DTNA: variants seen among roughly 807,000 people sequenced by gnomAD.
The protein encoded by DTNA is dystrophin-related protein 3.
In DTNA, 43 loss-of-function variants were observed where a neutral mutation model predicts 100.7. The observed-to-expected ratio is 0.43, with a 90% CI of 0.33 to 0.55. The LOEUF (loss-of-function observed/expected upper bound fraction) is 0.55. Among genes scored for constraint, DTNA ranks in the 20% least tolerant of loss-of-function variants. The pLI is 0.04. For synonymous variants in DTNA, 349 were observed against 347.9 expected, an observed-to-expected ratio of 1.00 and a Z score of -0.04; for missense variants, 798 against 953.9, an observed-to-expected ratio of 0.84 and a Z score of 2.15.
At chr18:34,624,053 C>G (rs2056948635) in intron 1 of DTNA, among the ~76,000 whole-genome samples, 1 of 152,022 alleles carries the variant, frequency 6.6e-6, no homozygotes. Context: ...ACCCAAAGGC[C>G]TAGTGAAATG....
intron 1 of DTNA, among the ~76,000 whole-genome samples, chr18:34,623,678 A>G (rs1164123066): frequency 1.3e-5 from 2 of 152,190 alleles, no homozygotes; most frequent in African/African-American, 2.4e-5. Flanking sequence ...AGCAACTGTT[A>G]TGTGGCAGGC....
In DTNA at chr18:34,612,809, A is replaced by G. The variant is rs1384533085; in HGVS notation, c.-2+119295A>G. ...TACTTATGAAACACTATACATATTAATCTAAATGAAGATACTATACTCATT... is the reference window on the plus strand; with the variant it reads ...TACTTATGAAACACTATACATATTAGTCTAAATGAAGATACTATACTCATT... On this transcript the variant is annotated intron_variant, in intron 1 of 19. Transcript: ENST00000283365. Among the ~76,000 whole-genome samples the G allele has an allele frequency of 3.9e-5, 6 of 152,192 alleles. No homozygotes were observed. In the East Asian group the frequency reaches 1.2e-3, roughly 29 times the overall value.
At chr18:34,686,166 C>CG (rs1463881890) in intron 1 of DTNA, among the ~76,000 whole-genome samples, 1 of 152,138 alleles carries the variant, frequency 6.6e-6, no homozygotes, top group Non-Finnish European at 1.5e-5. Flanking sequence ...CCAGGACTTC[C>CG]AATACTGTGT....
chr18:34,558,909 G>A (rs1422085425), intron 1 of DTNA, among the ~76,000 whole-genome samples: 1 of 152,228 alleles, frequency 6.6e-6, no homozygotes, highest in East Asian at 1.9e-4. Flanking sequence ...TAGCCAGAAT[G>A]AGACTATTGA....
chr18:34,713,489 T>A lies in DTNA; in HGVS notation c.-2+3044T>A, dbSNP rs2083308284. Among the ~76,000 whole-genome samples the A allele has an allele frequency of 2.0e-5, 3 of 152,110 alleles. No individual in the cohort carries two copies. In the South Asian group the frequency reaches 6.2e-4, roughly 32 times the overall value. Reference sequence around the variant, plus strand: ...AGGGCTCTGTTCTGTTCCATTGATCTATATCTCTGTTTTGGTACCAGTACC... The same window carrying A: ...AGGGCTCTGTTCTGTTCCATTGATCAATATCTCTGTTTTGGTACCAGTACC... On this transcript the variant is annotated intron_variant, in intron 1 of 22. Coordinates refer to ENST00000444659, the MANE Select transcript of DTNA (RefSeq NM_001386795.1).
At chr18:34,815,861 A>G (rs775230560) in intron 6 of DTNA, 48 bp from the exon 7 acceptor site, 5 of 1,486,288 alleles carry the variant, frequency 3.4e-6, no homozygotes, top group Non-Finnish European at 4.7e-6. Context: ...TAGCAGGTAA[A>G]TTGAGATGAT....
At chr18:34,571,240 G>A (rs942621925) in intron 1 of DTNA, among the ~76,000 whole-genome samples, 1 of 152,156 alleles carries the variant, frequency 6.6e-6, no homozygotes, top group African/African-American at 2.4e-5. Context: ...TATATGAAAA[G>A]TTCTGAGTAA....
chr18:34,652,379 G>A (rs969972568), intron 1 of DTNA, among the ~76,000 whole-genome samples: 2 of 152,082 alleles, frequency 1.3e-5, no homozygotes, highest in East Asian at 1.9e-4. Flanking sequence ...TGGATTTTGT[G>A]AAATTTGGCC....
At chr18:34,663,409 C>G (rs568764137) in intron 1 of DTNA, among the ~76,000 whole-genome samples, 1 of 152,282 alleles carries the variant, frequency 6.6e-6, no homozygotes, top group African/African-American at 2.4e-5. Context: ...AAGCGATTCT[C>G]CTGCCTTGGC....
At chr18:34,707,546 C>G (rs151307377), upstream of DTNA, among the ~76,000 whole-genome samples, 442 of 152,184 alleles carry the variant, frequency 2.9e-3, 2 homozygotes, top group African/African-American at 0.01. Flanking sequence ...ATATTAAATG[C>G]TCTAGTAACA....
rs1352090935 is a variant in DTNA, at chr18:34,818,488, G to A, written c.876+158G>A. 37 of 1,520,462 alleles carry A rather than the reference G, an allele frequency of 2.4e-5. No homozygotes were observed. The East Asian group carries it at 2.7e-4, about 11-fold the overall frequency. The allele number at this position is 1,520,462 out of a possible 1,614,324, so 94.2% of individuals were successfully genotyped here. ...TTCCTCCCACTCTCCACCCTACTGC[G>A]TGCTCTTACTTATTCTGTTGGAACC... On this transcript the variant is annotated intron_variant, in intron 8 of 22. Transcript: ENST00000444659.
intron 17 of DTNA, among the ~76,000 whole-genome samples, chr18:34,872,670 G>C (rs1403622974): frequency 6.6e-6 from 1 of 152,166 alleles, no homozygotes; most frequent in African/African-American, 2.4e-5. Flanking sequence ...CCATCACCCT[G>C]AGCACCCATA....
intron 1 of DTNA, among the ~76,000 whole-genome samples, chr18:34,513,165 G>T (rs2041258859): frequency 6.6e-6 from 1 of 152,026 alleles, no homozygotes. Flanking sequence ...AACTGCCAAG[G>T]TGCACATTAC....
intron 12 of DTNA, 37 bp from the exon 13 acceptor site, chr18:34,838,708 T>G: frequency 1.9e-6 from 3 of 1,579,568 alleles, no homozygotes; most frequent in Non-Finnish European, 2.6e-6. Context: ...TCCACCTCTC[T>G]TAACAACACG....
intron 1 of DTNA, among the ~76,000 whole-genome samples, chr18:34,581,338 G>T (rs959917158): frequency 3.9e-5 from 6 of 152,202 alleles, no homozygotes; most frequent in African/African-American, 1.2e-4. Context: ...CAACTCTGTG[G>T]CAAAGGTGCT....
intron 1 of DTNA, among the ~76,000 whole-genome samples, chr18:34,746,087 A>G (rs540417485): frequency 6.6e-6 from 1 of 152,218 alleles, no homozygotes; most frequent in South Asian, 2.1e-4. Context: ...CATATATACA[A>G]TATACTCCCC....
At chr18:34,523,784 T>G (rs1230773950) in intron 1 of DTNA, among the ~76,000 whole-genome samples, 1 of 152,204 alleles carries the variant, frequency 6.6e-6, no homozygotes, top group Admixed American at 6.5e-5. Context: ...CGAAGGCTAT[T>G]TTATAATGAG....
chr18:34,664,439 G>A (rs12968982), intron 1 of DTNA, among the ~76,000 whole-genome samples: 8,283 of 151,998 alleles, frequency 0.054, 291 homozygotes, highest in Non-Finnish European at 0.075. Context: ...AATTTTAAAC[G>A]TATAATGAGA....
At chr18:34,699,175 A>G (rs922732078) in intron 1 of DTNA, among the ~76,000 whole-genome samples, 119 of 152,064 alleles carry the variant, frequency 7.8e-4, no homozygotes, top group African/African-American at 2.6e-3. Context: ...ACACACACAC[A>G]CACATCTATA....
Sources: gnomAD v4.1 joint callset for allele counts (sites outside exome capture counted in the v4.1 genomes callset) on GRCh38, gnomAD v4.1.1 for gene constraint, MANE v1.5 for transcripts, NCBI Gene and HGNC (gene_info 2026-07-23, HGNC 2026-07-21) for gene names.